The following ANO3 variants were observed in gnomAD, a reference collection of about 807,000 sequenced individuals.
The protein encoded by ANO3 is anoctamin-3.
In ANO3, 99 loss-of-function variants were observed where a neutral mutation model predicts 144.8. The observed-to-expected ratio is 0.68, with a 90% CI of 0.58 to 0.81. The LOEUF (loss-of-function observed/expected upper bound fraction) is 0.81. Among genes scored for constraint, ANO3 ranks in the 30% least tolerant of loss-of-function variants. The pLI, the probability that ANO3 is intolerant of heterozygous loss-of-function variation, is 0.00. For missense variants in ANO3, 905 were observed against 1,202.2 expected (o/e 0.75, Z 3.66); for synonymous variants, 414 against 392.6 (o/e 1.05, Z -0.64).
chr11:26,208,547 A>C (rs1851866035), intron 1 of ANO3, among the ~76,000 whole-genome samples: 1 of 151,882 alleles, frequency 6.6e-6, no homozygotes, highest in South Asian at 2.1e-4. Flanking sequence ...GGTGGACACA[A>C]ACATTCAGAC....
chr11:26,309,942 C>T (rs1306792393), intron 1 of ANO3, among the ~76,000 whole-genome samples: 1 of 152,170 alleles, frequency 6.6e-6, no homozygotes, highest in Non-Finnish European at 1.5e-5. Flanking sequence ...AACGCATTTA[C>T]TTATAAATGT....
chr11:26,372,617 G>A (rs1856293209), intron 1 of ANO3, among the ~76,000 whole-genome samples: 1 of 152,084 alleles, frequency 6.6e-6, no homozygotes, highest in African/African-American at 2.4e-5. Context: ...AATATTTATT[G>A]ATTTGCTAGG....
At chr11:26,488,181 A>G (rs1860543305) in intron 4 of ANO3, among the ~76,000 whole-genome samples, 1 of 152,318 alleles carries the variant, frequency 6.6e-6, no homozygotes, top group East Asian at 1.9e-4. Flanking sequence ...ACAAAACAAA[A>G]TAAAACAAAA....
chr11:26,357,356 C>T (rs1252191387), intron 1 of ANO3, among the ~76,000 whole-genome samples: 9 of 152,144 alleles, frequency 5.9e-5, no homozygotes, highest in Non-Finnish European at 4.4e-5. Context: ...TATGAGACTT[C>T]TAGTTTCTTT....
At chr11:26,639,951 G>A (rs1239480748) in intron 21 of ANO3, among the ~76,000 whole-genome samples, 1 of 152,106 alleles carries the variant, frequency 6.6e-6, no homozygotes, top group Non-Finnish European at 1.5e-5. Context: ...CCTGACTATT[G>A]GGGAAGAACT....
chr11:26,400,715 T>C (rs905937360), intron 1 of ANO3, among the ~76,000 whole-genome samples: 10 of 151,668 alleles, frequency 6.6e-5, no homozygotes, highest in African/African-American at 2.4e-4. Context: ...TGCATACATA[T>C]ACATATATAT....
At chr11:26,373,712 TCCCACA>T (rs1242580368) in intron 1 of ANO3, among the ~76,000 whole-genome samples, 1 of 152,134 alleles carries the variant, frequency 6.6e-6, no homozygotes, top group African/African-American at 2.4e-5. Flanking sequence ...TGGCTCACAG[TCCCACA>T]CACAAAGACA....
intron 4 of ANO3, among the ~76,000 whole-genome samples, chr11:26,493,851 A>AT (rs1236814841): frequency 2.6e-5 from 4 of 152,112 alleles, no homozygotes; most frequent in Non-Finnish European, 5.9e-5. Flanking sequence ...CCCTCTGAGG[A>AT]TTTCCTTCTT....
intron 18 of ANO3, among the ~76,000 whole-genome samples, chr11:26,627,814 AGTGTGTGTGTGT>A (rs72002807): frequency 3.0e-5 from 4 of 131,212 alleles, no homozygotes; most frequent in Admixed American, 8.0e-5. Flanking sequence ...AATAGAATCT[AGTGTGTGTGTGT>A]GTGTGTGTGT....
intron 5 of ANO3, among the ~76,000 whole-genome samples, chr11:26,510,454 G>A (rs78733738): frequency 0.031 from 4,734 of 152,154 alleles, 218 homozygotes; most frequent in African/African-American, 0.11. Context: ...ACTCAGTGTT[G>A]TGATAGACTT....
At chr11:26,548,257 G>T (rs1849840722) in intron 12 of ANO3, among the ~76,000 whole-genome samples, 1 of 151,932 alleles carries the variant, frequency 6.6e-6, no homozygotes, top group African/African-American at 2.4e-5. Flanking sequence ...TGTTAAAGTT[G>T]AAGTGACTTG....
intron 5 of ANO3, among the ~76,000 whole-genome samples, chr11:26,513,555 A>G (rs2134147195): frequency 6.6e-6 from 1 of 152,244 alleles, no homozygotes; most frequent in Middle Eastern, 3.4e-3. Context: ...AGCGTTCATC[A>G]GATATTAGTC....
intron 1 of ANO3, among the ~76,000 whole-genome samples, chr11:26,385,463 G>A (rs1378435971): frequency 6.6e-6 from 1 of 152,120 alleles, no homozygotes; most frequent in Non-Finnish European, 1.5e-5. Flanking sequence ...TCTTCTGCAG[G>A]TTGTAGGGGA....
At chr11:26,449,451 C>CCT (rs368127935) in intron 3 of ANO3, among the ~76,000 whole-genome samples, 29 of 142,624 alleles carry the variant, frequency 2.0e-4, no homozygotes, top group Admixed American at 4.4e-4. Flanking sequence ...AAGAGCATTC[C>CCT]CTCTCTCTCT....
At chr11:26,385,627 T>G (rs190134762) in intron 1 of ANO3, among the ~76,000 whole-genome samples, 42 of 152,258 alleles carry the variant, frequency 2.8e-4, no homozygotes, top group Non-Finnish European at 5.0e-4. Flanking sequence ...ACAATGACTG[T>G]GACTCTGCCT....
chr11:26,398,193 C>T (rs377595491), intron 1 of ANO3, among the ~76,000 whole-genome samples: 71 of 152,180 alleles, frequency 4.7e-4, no homozygotes, highest in African/African-American at 1.7e-3. Flanking sequence ...TACCTAAACT[C>T]ATGGTCCATT....
chr11:26,518,100 A>C (rs2134155045), intron 6 of ANO3, among the ~76,000 whole-genome samples: 1 of 152,194 alleles, frequency 6.6e-6, no homozygotes, highest in African/African-American at 2.4e-5. Flanking sequence ...AGATAAATAA[A>C]GGAAATAATA....
At chr11:26,323,677 A>G (rs576284331) in intron 1 of ANO3, among the ~76,000 whole-genome samples, 1 of 152,286 alleles carries the variant, frequency 6.6e-6, no homozygotes, top group East Asian at 1.9e-4. Flanking sequence ...GAATAGAAGA[A>G]AATAACTTCC....
chr11:26,656,243 A>G (rs1853685053), intron 25 of ANO3, 38 bp downstream of exon 25: 2 of 1,564,388 alleles, frequency 1.3e-6, no homozygotes, highest in Non-Finnish European at 1.8e-6. Context: ...TGCTTTCACC[A>G]TTCCAAGTAC....
Sources: allele counts gnomAD v4.1 joint callset (sites outside exome capture counted in the v4.1 genomes callset), GRCh38; gene constraint gnomAD v4.1.1; transcripts MANE v1.5; gene names NCBI Gene and HGNC (gene_info 2026-07-23, HGNC 2026-07-21).